The following CDK14 variants were observed in gnomAD, a reference collection of about 807,000 sequenced individuals.
The protein encoded by CDK14 is cyclin-dependent kinase 14.
In CDK14, 34 loss-of-function variants were observed where a neutral mutation model predicts 60.7. That is an observed-to-expected ratio of 0.56 (90% CI 0.43 to 0.75). The LOEUF (loss-of-function observed/expected upper bound fraction) is 0.75. CDK14 is among the 30% of genes least tolerant of loss of function. The pLI is 0.00. For missense variants in CDK14, 482 were observed against 564.1 expected (o/e 0.85, Z 1.47); for synonymous variants, 197 against 203.7 (o/e 0.97, Z 0.28).
chr7:90,993,889 A>T (rs1342635256), intron 10 of CDK14, among the ~76,000 whole-genome samples: 5 of 152,168 alleles, frequency 3.3e-5, no homozygotes, highest in African/African-American at 1.2e-4. Context: ...TCCCAGTTGT[A>T]GTAATTTTTA....
rs118066128 is a variant in CDK14, at chr7:91,026,428, A to C, written c.1042-19469A>C. ...TAATCCAGAGTGAAAACAACTCTTA[A>C]AGTAATCACAAGACAGGATAGTCTT... On this transcript the variant is annotated intron_variant, in intron 10 of 14. Transcript: ENST00000380050. 7.9e-3 allele frequency among the ~76,000 whole-genome samples: 1,205 copies of C among 152,330 alleles called. 12 individuals are homozygous for C. Among genetic ancestry groups the C allele is most frequent in the Middle Eastern group, 0.014 (4 of 294 alleles).
intron 4 of CDK14, among the ~76,000 whole-genome samples, chr7:90,767,442 C>T (rs942072903): frequency 2.6e-5 from 4 of 152,108 alleles, no homozygotes; most frequent in Non-Finnish European, 5.9e-5. Flanking sequence ...CTAGTCAATT[C>T]CACAGTGAAA....
intron 14 of CDK14, among the ~76,000 whole-genome samples, chr7:91,179,471 A>T (rs1464865492): frequency 1.3e-5 from 2 of 149,264 alleles, no homozygotes; most frequent in South Asian, 2.2e-4. Context: ...AACCTGCACG[A>T]TGTGCACATG....
At chr7:90,694,925 G>A (rs181733533) in intron 2 of CDK14, among the ~76,000 whole-genome samples, 8 of 152,286 alleles carry the variant, frequency 5.3e-5, no homozygotes, top group African/African-American at 1.9e-4. Context: ...TCTGTGTGTG[G>A]ATCTGGAACA....
chr7:90,774,233 A>G (rs747989991), intron 4 of CDK14, among the ~76,000 whole-genome samples: 1 of 152,148 alleles, frequency 6.6e-6, no homozygotes, highest in Non-Finnish European at 1.5e-5. Context: ...CCAGTTATAT[A>G]TAACGCTTAG....
intron 14 of CDK14, among the ~76,000 whole-genome samples, chr7:91,141,798 T>TG (rs1404095861): frequency 2.6e-5 from 3 of 117,430 alleles, no homozygotes; most frequent in East Asian, 2.5e-4. Context: ...AAACAGTGGG[T>TG]TTTGTTGTTG....
intron 14 of CDK14, among the ~76,000 whole-genome samples, chr7:91,196,067 C>T (rs1184599922): frequency 6.6e-6 from 1 of 152,222 alleles, no homozygotes; most frequent in African/African-American, 2.4e-5. Flanking sequence ...TGCAGTGGCA[C>T]CTCTAGGATA....
chr7:90,920,842 G>A (rs1040960509), intron 8 of CDK14, among the ~76,000 whole-genome samples: 2 of 152,150 alleles, frequency 1.3e-5, no homozygotes, highest in African/African-American at 2.4e-5. Context: ...GACTTTACCT[G>A]CTGGATGAGG....
rs562454516 is a variant in CDK14 at position 90,600,549 on chromosome 7, A to G, written c.92-3669A>G. On this transcript the variant is annotated intron_variant, in intron 1 of 14. Transcript: ENST00000380050. Reference sequence around the variant, plus strand: ...CATGGTTTGTGAGGGAACTAAATAAAAAGAAGAGGCTGTGATTACACTGAA... The same window carrying G: ...CATGGTTTGTGAGGGAACTAAATAAGAAGAAGAGGCTGTGATTACACTGAA... Among the ~76,000 whole-genome samples the G allele has an allele frequency of 3.9e-5, 6 of 152,344 alleles. No individual in the cohort carries two copies. In the East Asian group the frequency reaches 1.2e-3, roughly 29 times the overall value.
chr7:91,177,494 C>T (rs1017881877), intron 14 of CDK14, among the ~76,000 whole-genome samples: 1 of 151,838 alleles, frequency 6.6e-6, no homozygotes, highest in African/African-American at 2.4e-5. Flanking sequence ...AAAGGGTATT[C>T]AATTAGGAAA....
intron 7 of CDK14, among the ~76,000 whole-genome samples, chr7:90,903,421 A>G (rs1409555971): frequency 1.3e-5 from 2 of 152,182 alleles, no homozygotes; most frequent in African/African-American, 4.8e-5. Context: ...AGTAGTATGG[A>G]TGGAACTGAA....
intron 14 of CDK14, among the ~76,000 whole-genome samples, chr7:91,171,157 C>G (rs13310847): frequency 0.96 from 146,618 of 152,112 alleles, 70,686 homozygotes; most frequent in East Asian, 1. Flanking sequence ...AGACCATCCT[C>G]GCTAACACAG....
intron 5 of CDK14, among the ~76,000 whole-genome samples, chr7:90,831,763 C>G (rs1333110733): frequency 6.6e-6 from 1 of 152,080 alleles, no homozygotes. Flanking sequence ...CATTCTACCA[C>G]TATCAATCCT....
At chr7:90,734,732 A>G (rs1163920317) in intron 3 of CDK14, among the ~76,000 whole-genome samples, 1 of 152,110 alleles carries the variant, frequency 6.6e-6, no homozygotes, top group Non-Finnish European at 1.5e-5. Flanking sequence ...CAAGGTTCTT[A>G]GCTTTATTGC....
chr7:90,698,931 A>T (rs1801724029), intron 2 of CDK14, among the ~76,000 whole-genome samples: 3 of 152,214 alleles, frequency 2.0e-5, no homozygotes, highest in Admixed American at 1.3e-4. Flanking sequence ...GACAGTGAGA[A>T]AGGAAGAAAA....
chr7:91,203,547 G>T (rs568131368), intron 14 of CDK14, among the ~76,000 whole-genome samples: 1 of 152,256 alleles, frequency 6.6e-6, no homozygotes, highest in East Asian at 1.9e-4. Context: ...TCTCCATTCT[G>T]TTGATTAAAA....
At chr7:90,804,826 A>G (rs1205909019) in intron 5 of CDK14, among the ~76,000 whole-genome samples, 1 of 152,126 alleles carries the variant, frequency 6.6e-6, no homozygotes, top group Non-Finnish European at 1.5e-5. Flanking sequence ...ATACTTTTAT[A>G]TTTAAGACAT....
At chr7:90,620,311 G>A (rs1459483639) in intron 2 of CDK14, among the ~76,000 whole-genome samples, 1 of 152,116 alleles carries the variant, frequency 6.6e-6, no homozygotes, top group Admixed American at 6.5e-5. Context: ...TTTTCTTTGA[G>A]ATTTCTTTTA....
At chr7:90,693,989 AAAG>A (rs749558094) in intron 2 of CDK14, among the ~76,000 whole-genome samples, 28 of 152,304 alleles carry the variant, frequency 1.8e-4, no homozygotes, top group Non-Finnish European at 3.7e-4. Flanking sequence ...TGAGGAGATA[AAAG>A]AAGATTTAGG....
Sources: allele counts gnomAD v4.1 joint callset (sites outside exome capture counted in the v4.1 genomes callset), GRCh38; gene constraint gnomAD v4.1.1; transcripts MANE v1.5; gene names NCBI Gene and HGNC (gene_info 2026-07-23, HGNC 2026-07-21).